The following ATRN variants were observed in gnomAD, a reference collection of about 807,000 sequenced individuals.
The protein encoded by ATRN is attractin-2.
Under a neutral mutation model 178.7 loss-of-function variants are expected in ATRN, and 54 were observed. The observed-to-expected ratio is 0.30, with a 90% CI of 0.24 to 0.38. The LOEUF is 0.38. Ranked by LOEUF, ATRN falls within the 10% of genes least tolerant of loss-of-function variation. The pLI is 1.00. For missense variants in ATRN, 1,443 were observed against 1,815.1 expected (o/e 0.79, Z 3.73); for synonymous variants, 636 against 663.0 (o/e 0.96, Z 0.63).
intron 1 of ATRN, among the ~76,000 whole-genome samples, chr20:3,487,507 T>A (rs1468335578): frequency 2.6e-5 from 4 of 152,166 alleles, no homozygotes; most frequent in African/African-American, 9.7e-5. Flanking sequence ...AAATTTATTT[T>A]ATGTTCTTTA....
At chr20:3,487,127 T>C (rs780714218) in intron 1 of ATRN, among the ~76,000 whole-genome samples, 5 of 152,228 alleles carry the variant, frequency 3.3e-5, no homozygotes, top group Non-Finnish European at 7.3e-5. Flanking sequence ...TCAGTGACTG[T>C]ATTTTTAATT....
intron 26 of ATRN, 60 bp downstream of exon 26, chr20:3,634,449 C>A: frequency 6.6e-7 from 1 of 1,511,826 alleles, no homozygotes; most frequent in Non-Finnish European, 9.1e-7. Context: ...CCTTCTTTTT[C>A]TCTTAAGCAA....
chr20:3,547,310 C>T lies in ATRN; in HGVS notation c.764C>T (p.Ser255Leu). The part of the protein sequence containing the change: ...YSFDMCPNNC[S>L]GRGECKISNS... ...TTTGATATGTGTCCAAATAACTGCTCAGGCCGAGGAGAGTGTAAGATCAGT... is the reference window on the plus strand; with the variant it reads ...TTTGATATGTGTCCAAATAACTGCTTAGGCCGAGGAGAGTGTAAGATCAGT... Residue 255 changes from serine to leucine, a missense_variant, in exon 5 of 29, where the codon TCA becomes TTA. Coordinates refer to ENST00000262919, the MANE Select transcript of ATRN (RefSeq NM_139321.3). The T allele has an allele frequency of 6.2e-7, 1 of 1,614,024 alleles. No homozygotes were observed. Among genetic ancestry groups the T allele is most frequent in the South Asian group, 1.1e-5 (1 of 91,068 alleles).
intron 24 of ATRN, among the ~76,000 whole-genome samples, chr20:3,611,789 A>C (rs549411582): frequency 7.9e-5 from 12 of 152,306 alleles, no homozygotes; most frequent in African/African-American, 2.6e-4. Flanking sequence ...TGAAAGCACA[A>C]TGAGATAACA....
chr20:3,524,580 C>T (rs745646213), intron 1 of ATRN, among the ~76,000 whole-genome samples: 34 of 152,086 alleles, frequency 2.2e-4, no homozygotes, highest in African/African-American at 2.7e-4. Flanking sequence ...AGACATCTAC[C>T]GAACTCTCCA....
At chr20:3,640,175 C>T (rs575051259) in intron 27 of ATRN, among the ~76,000 whole-genome samples, 4 of 152,100 alleles carry the variant, frequency 2.6e-5, no homozygotes, top group African/African-American at 9.6e-5. Context: ...TGAAGAAGAA[C>T]CAAATGGAAC....
intron 11 of ATRN, among the ~76,000 whole-genome samples, chr20:3,566,602 T>C (rs1156356971): frequency 2.0e-5 from 3 of 152,056 alleles, no homozygotes; most frequent in Non-Finnish European, 4.4e-5. Context: ...GTAATTTCAC[T>C]TAGATTAGGA....
At chr20:3,538,685 G>A (rs895712050) in intron 2 of ATRN, among the ~76,000 whole-genome samples, 4 of 152,072 alleles carry the variant, frequency 2.6e-5, no homozygotes, top group African/African-American at 7.2e-5. Context: ...CCTTTGGAAT[G>A]TCTCCCCAAT....
chr20:3,489,106 G>A (rs183899326), intron 1 of ATRN, among the ~76,000 whole-genome samples: 52 of 152,204 alleles, frequency 3.4e-4, no homozygotes, highest in Non-Finnish European at 4.1e-4. Context: ...GATTACGGTT[G>A]TGCGCCACCA....
rs558432450 is a variant in ATRN at position 3,568,623 on chromosome 20, G to A, written c.1871+3191G>A. Among the ~76,000 whole-genome samples, 3 of 152,242 alleles carry A rather than the reference G, an allele frequency of 2.0e-5. No homozygotes were observed. In the South Asian group the frequency reaches 6.2e-4, roughly 32 times the overall value. On this transcript the variant is annotated intron_variant, in intron 11 of 28. Transcript: ENST00000262919. ...AATTATTGCTCCTAGGGGAAATACA[G>A]GGTTATGTTTCTATAAACCTCTGAT... is the stretch of plus-strand genomic sequence containing the variant.
At chr20:3,568,990 G>T (rs2086077652) in intron 11 of ATRN, among the ~76,000 whole-genome samples, 1 of 152,134 alleles carries the variant, frequency 6.6e-6, no homozygotes, top group African/African-American at 2.4e-5. Flanking sequence ...GAAACAAGAA[G>T]GGAGAGCATC....
intron 4 of ATRN, among the ~76,000 whole-genome samples, chr20:3,546,206 G>A (rs1471142208): frequency 6.6e-6 from 1 of 151,958 alleles, no homozygotes; most frequent in Admixed American, 6.6e-5. Flanking sequence ...CAAAAACGTT[G>A]GAATTTTACA....
intron 11 of ATRN, among the ~76,000 whole-genome samples, chr20:3,569,683 T>C (rs235563): frequency 0.71 from 107,916 of 152,208 alleles, 39,315 homozygotes; most frequent in East Asian, 1. Flanking sequence ...AACATCGTTA[T>C]GCAGGACCAC....
At chr20:3,585,311 G>A (rs2086342612) in intron 18 of ATRN, among the ~76,000 whole-genome samples, 1 of 152,146 alleles carries the variant, frequency 6.6e-6, no homozygotes, top group East Asian at 1.9e-4. Flanking sequence ...GACAGACTGG[G>A]AGAAAATACC....
chr20:3,605,717 G>A (rs1341341325), intron 24 of ATRN, among the ~76,000 whole-genome samples: 2 of 152,156 alleles, frequency 1.3e-5, no homozygotes, highest in African/African-American at 4.8e-5. Flanking sequence ...ATGGACACAT[G>A]GTGGGGAACA....
At chr20:3,485,255 A>C (rs1335371249) in intron 1 of ATRN, among the ~76,000 whole-genome samples, 1 of 152,128 alleles carries the variant, frequency 6.6e-6, no homozygotes, top group Non-Finnish European at 1.5e-5. Flanking sequence ...CCCCATGTTG[A>C]TAGTCATGCT....
At chr20:3,537,501 T>C (rs75196920) in intron 2 of ATRN, among the ~76,000 whole-genome samples, 1 of 147,238 alleles carries the variant, frequency 6.8e-6, no homozygotes, top group African/African-American at 2.5e-5. Flanking sequence ...TTTTTTTTTT[T>C]ACATTTTTTT....
chr20:3,544,831 T>C (rs1310697585), intron 3 of ATRN, among the ~76,000 whole-genome samples: 1 of 151,590 alleles, frequency 6.6e-6, no homozygotes, highest in African/African-American at 2.4e-5. Flanking sequence ...GTAAGGTTTT[T>C]TTTTTTTTTT....
intron 1 of ATRN, chr20:3,489,999 T>G (rs2084763258): frequency 4.1e-6 from 4 of 984,984 alleles, no homozygotes; most frequent in African/African-American, 1.6e-5. Context: ...TGCATTTTCA[T>G]GAGTGAGATG....
Sources: allele counts gnomAD v4.1 joint callset (sites outside exome capture counted in the v4.1 genomes callset), GRCh38; gene constraint gnomAD v4.1.1; transcripts MANE v1.5; gene names NCBI Gene and HGNC (gene_info 2026-07-23, HGNC 2026-07-21).